LEMD2: variants seen among roughly 807,000 people sequenced by gnomAD.
The protein encoded by LEMD2 is LEM domain nuclear envelope protein 2.
LEMD2 carries 34 observed loss-of-function variants against 58.8 expected under a neutral mutation model. That is an observed-to-expected ratio of 0.58 (90% CI 0.44 to 0.77). LEMD2 has a LOEUF of 0.77. Ranked by LOEUF, LEMD2 falls within the 30% of genes least tolerant of loss-of-function variation. The pLI, the probability that LEMD2 is intolerant of heterozygous loss-of-function variation, is 0.00. For synonymous variants in LEMD2, 298 were observed against 308.9 expected (o/e 0.96, Z 0.37); for missense variants, 629 against 717.9 (o/e 0.88, Z 1.42).
At chr6:33,779,235 A>G (rs1270119963) in intron 5 of LEMD2, 1 of 151,526 alleles carries the variant, frequency 6.6e-6, no homozygotes, top group African/African-American at 2.4e-5. Flanking sequence ...CTAACACAGG[A>G]AAATTGCTCA....
chr6:33,782,829 G>T (rs1405404797), intron 3 of LEMD2, among the ~76,000 whole-genome samples: 3 of 152,224 alleles, frequency 2.0e-5, no homozygotes, highest in Non-Finnish European at 2.9e-5. Context: ...GAGAGGCATG[G>T]AAGGGGTTGA....
intron 2 of LEMD2, among the ~76,000 whole-genome samples, chr6:33,785,020 G>A (rs1767645293): frequency 6.6e-6 from 1 of 152,152 alleles, no homozygotes; most frequent in Non-Finnish European, 1.5e-5. Context: ...ACCAGACAAC[G>A]AGACGGCCTG....
intron 3 of LEMD2, chr6:33,781,373 C>A: frequency 1.8e-6 from 1 of 552,726 alleles, no homozygotes; most frequent in South Asian, 2.5e-5. Context: ...AGCAGTGTGG[C>A]ATTTTGCATT....
At position 33,788,953 on chromosome 6, in the gene LEMD2, C is replaced by A; in HGVS notation, c.164G>T (p.Arg55Leu). The change falls in exon 1 of 9, where the codon CGG becomes CTG. Residue 55 changes from arginine (R) to leucine (L), a missense_variant. Transcript: ENST00000293760. Reference protein sequence around the residue: ...RDEERLREEARPRGEERLREE... With the variant: ...RDEERLREEALPRGEERLREE... ...CCGTAACCGCTCCTCGCCCCGCGGC[C>A]GGGCCTCCTCCCGCAGCCGCTCCTC... 6.6e-7 allele frequency: 1 copy of A among 1,519,576 alleles called. No homozygotes were observed. Among genetic ancestry groups the A allele is most frequent in the Non-Finnish European group, 8.8e-7 (1 of 1,141,908 alleles). 94.1% of individuals were successfully genotyped at this position (1,519,576 alleles called of 1,614,324 possible). A position where few individuals can be genotyped will look rare whatever the true frequency, so the allele number is the denominator to read the frequency against.
intron 8 of LEMD2, among the ~76,000 whole-genome samples, chr6:33,773,947 C>T (rs12204992): frequency 0.12 from 17,721 of 152,206 alleles, 1,408 homozygotes; most frequent in Middle Eastern, 0.22. Flanking sequence ...AGAGCATGGG[C>T]GTCTGGGGTT....
intron 2 of LEMD2, among the ~76,000 whole-genome samples, chr6:33,785,693 C>T (rs2127382918): frequency 6.6e-6 from 1 of 152,334 alleles, no homozygotes; most frequent in Middle Eastern, 3.4e-3. Flanking sequence ...ATTCCAGTTT[C>T]CCCTCTGGCT....
intron 2 of LEMD2, among the ~76,000 whole-genome samples, chr6:33,786,083 C>A (rs1330379789): frequency 2.0e-5 from 3 of 152,142 alleles, no homozygotes; most frequent in African/African-American, 2.4e-5. Context: ...GCACAAGACT[C>A]CTCCTGGTAC....
intron 1 of LEMD2, 68 bp downstream of exon 1, chr6:33,788,312 AG>A (rs1270278771): frequency 7.0e-7 from 1 of 1,424,382 alleles, no homozygotes; most frequent in African/African-American, 1.5e-5. Flanking sequence ...TGGCGCCGAC[AG>A]GAACGGGGGG....
chr6:33,780,396 G>C, intron 4 of LEMD2: 1 of 582,982 alleles, frequency 1.7e-6, no homozygotes, highest in Non-Finnish European at 3.1e-6. Context: ...AGCACAAGCA[G>C]GAAAACAGTG....
intron 2 of LEMD2, 50 bp from the exon 3 acceptor site, chr6:33,784,477 G>GGGGGGGCCCCCCCCC: frequency 9.3e-6 from 4 of 430,792 alleles, no homozygotes; most frequent in Non-Finnish European, 1.4e-5. Flanking sequence ...GGTGGGAGGG[G>GGGGGGGCCCCCCCCC]TCCGTCTGTC....
chr6:33,781,187 A>G (rs1408504204), intron 3 of LEMD2, 34 bp from the exon 4 acceptor site: 1 of 1,361,450 alleles, frequency 7.3e-7, no homozygotes. Flanking sequence ...GCTCAAACAC[A>G]AAGGAAAAAT....
intron 1 of LEMD2, among the ~76,000 whole-genome samples, chr6:33,787,823 T>A (rs993878173): frequency 6.6e-6 from 1 of 152,198 alleles, no homozygotes; most frequent in Non-Finnish European, 1.5e-5. Flanking sequence ...GGGCCTCCAG[T>A]TGCGATCAGT....
chr6:33,784,477 G>GGGGGGGGGGGCCCCCCCCCC, intron 2 of LEMD2, 50 bp from the exon 3 acceptor site: 3 of 430,792 alleles, frequency 7.0e-6, no homozygotes, highest in African/African-American at 2.1e-5. Flanking sequence ...GGTGGGAGGG[G>GGGGGGGGGGGCCCCCCCCCC]TCCGTCTGTC....
Position 33,772,023 on chromosome 6 carries a change from T to C in LEMD2, c.*605A>G, listed in dbSNP as rs1173953616. On this transcript the variant is annotated 3_prime_UTR_variant, in exon 9 of 9. Coordinates refer to ENST00000293760, the MANE Select transcript of LEMD2 (RefSeq NM_181336.4). ...GATCCTCCCAGGAGGCTGTGCCGGC[T>C]GCTCACTCCTCCTGACCTGAGGGAC... is the stretch of plus-strand genomic sequence containing the variant. 1.3e-5 allele frequency: 2 copies of C among 152,780 alleles called. No individual in the cohort carries two copies. The highest frequency in any genetic ancestry group is 2.9e-5 in the Non-Finnish European group (2 of 68,222). The allele number at this position is 152,780 out of a possible 1,614,324, so 9.5% of individuals were successfully genotyped here. A position where few individuals can be genotyped will look rare whatever the true frequency, so the allele number is the denominator to read the frequency against.
rs532691063 is a variant in LEMD2, at chr6:33,780,872, G to A, written c.930+205C>T. On this transcript the variant is annotated intron_variant, in intron 4 of 8. Transcript: ENST00000293760. ...AGTGAGCCGCCCCACTGCACATGGC[G>A]GCCTGGCTCTGGGGCAGTCACTACC... Among the ~76,000 whole-genome samples the A allele has an allele frequency of 9.8e-5, 15 of 152,302 alleles. No homozygotes were observed. In the South Asian group the frequency reaches 1.7e-3, roughly 17 times the overall value.
At chr6:33,774,970 C>CTGAATGAA (rs3067716) in intron 8 of LEMD2, among the ~76,000 whole-genome samples, 2,951 of 151,514 alleles carry the variant, frequency 0.019, 41 homozygotes, top group African/African-American at 0.029. Context: ...TGTGGAGGAA[C>CTGAATGAA]TGAATGAATG....
intron 6 of LEMD2, 44 bp from the exon 7 acceptor site, chr6:33,777,283 G>T: frequency 7.5e-7 from 1 of 1,325,758 alleles, no homozygotes; most frequent in Non-Finnish European, 1.1e-6. Context: ...ACTTCATTTG[G>T]CAGTGGGTCT....
At position 33,776,787 on chromosome 6, in the gene LEMD2, C is replaced by T. The variant is rs375819581; in HGVS notation, c.1361+167G>A. 1.1e-4 allele frequency: 70 copies of T among 639,286 alleles called. 1 individual carries two copies. Among genetic ancestry groups the T allele is most frequent in the Admixed American group, 7.2e-4 (30 of 41,932 alleles). 39.6% of individuals were successfully genotyped at this position (639,286 alleles called of 1,614,324 possible). A position where few individuals can be genotyped will look rare whatever the true frequency, so the allele number is the denominator to read the frequency against. ...TCTAGCTCATCCTGCCATAAAGAGC[C>T]GAGCATGCTGGGGAGCAGCAGGAGT... On this transcript the variant is annotated intron_variant, in intron 8 of 8. Coordinates refer to ENST00000293760, the MANE Select transcript of LEMD2 (RefSeq NM_181336.4).
intron 8 of LEMD2, among the ~76,000 whole-genome samples, chr6:33,775,007 C>A (rs563379021): frequency 5.3e-5 from 8 of 151,666 alleles, no homozygotes; most frequent in South Asian, 2.1e-4. Flanking sequence ...ATAGTCTCTT[C>A]GTCACAGCCC....
Sources: allele counts gnomAD v4.1 joint callset (sites outside exome capture counted in the v4.1 genomes callset), GRCh38; gene constraint gnomAD v4.1.1; transcripts MANE v1.5; gene names NCBI Gene and HGNC (gene_info 2026-07-23, HGNC 2026-07-21).